MICAL2: variants seen among roughly 807,000 people sequenced by gnomAD.
The protein encoded by MICAL2 is [F-actin]-monooxygenase MICAL2.
Under a neutral mutation model 127.3 loss-of-function variants are expected in MICAL2, and 77 were observed. The observed-to-expected ratio is 0.60, with a 90% confidence interval of 0.50 to 0.73. MICAL2 has a LOEUF of 0.73. MICAL2 is among the 30% of genes least tolerant of loss of function. The pLI is 0.00. For missense variants in MICAL2, 1,351 were observed against 1,434.4 expected, an observed-to-expected ratio of 0.94 and a Z score of 0.94; for synonymous variants, 570 against 551.1, an observed-to-expected ratio of 1.03 and a Z score of -0.48.
chr11:12,194,374 A>G (rs940060118), intron 3 of MICAL2, among the ~76,000 whole-genome samples: 4 of 152,242 alleles, frequency 2.6e-5, no homozygotes, highest in Non-Finnish European at 5.9e-5. Context: ...GGCATGTAGT[A>G]AAGAGTGTTA....
intron 25 of MICAL2, among the ~76,000 whole-genome samples, chr11:12,259,216 G>A (rs1046532046): frequency 6.6e-6 from 1 of 152,218 alleles, no homozygotes; most frequent in Non-Finnish European, 1.5e-5. Flanking sequence ...AACCGCAGTT[G>A]ACATTTTGTA....
intron 1 of MICAL2, among the ~76,000 whole-genome samples, chr11:12,119,832 C>A (rs1359367863): frequency 6.6e-6 from 1 of 152,172 alleles, no homozygotes; most frequent in Non-Finnish European, 1.5e-5. Flanking sequence ...AGTTCTCATC[C>A]TGGCCACCTT....
chr11:12,329,670 A>G (rs1864392247), intron 32 of MICAL2, among the ~76,000 whole-genome samples: 2 of 152,178 alleles, frequency 1.3e-5, no homozygotes, highest in Non-Finnish European at 2.9e-5. Flanking sequence ...TTGATAGGCA[A>G]AGTCTCTACC....
rs60681621 is a variant in MICAL2 at position 12,313,961 on chromosome 11, ATTTTTT to A, written c.5213-5718_5213-5713del. ...TTTCTGGCCTTAATGTCTTGGTCTG[ATTTTTT>A]TTTTTTTTTTTTTTTTGATAGCTAT... On this transcript the variant is annotated intron_variant, in intron 29 of 34. Coordinates refer to the MICAL2 transcript ENST00000646065. Among the ~76,000 whole-genome samples, 140 of 43,784 alleles carry A rather than the reference ATTTTTT, an allele frequency of 3.2e-3. 1 individual carries two copies. Among genetic ancestry groups the A allele is most frequent in the African/African-American group, 0.012 (127 of 10,762 alleles). 28.7% of individuals were successfully genotyped at this position (43,784 alleles called of 152,430 possible).
At chr11:12,171,914 T>G (rs539965456) in intron 3 of MICAL2, among the ~76,000 whole-genome samples, 2 of 152,332 alleles carry the variant, frequency 1.3e-5, no homozygotes, top group African/African-American at 4.8e-5. Flanking sequence ...TATTTCAACA[T>G]GTAGTAAATA....
At chr11:12,342,205 C>T (rs936752709) in intron 32 of MICAL2, among the ~76,000 whole-genome samples, 8 of 152,218 alleles carry the variant, frequency 5.3e-5, no homozygotes, top group African/African-American at 1.9e-4. Flanking sequence ...TTTGGCTGCA[C>T]CATTGCAGCT....
chr11:12,251,488 T>A (rs1861540934), intron 22 of MICAL2, among the ~76,000 whole-genome samples: 2 of 151,150 alleles, frequency 1.3e-5, no homozygotes, highest in Admixed American at 1.3e-4. Context: ...GGTCTACCTC[T>A]TGGTGATTCT....
intron 3 of MICAL2, among the ~76,000 whole-genome samples, chr11:12,181,573 G>A (rs1433830540): frequency 6.6e-6 from 1 of 152,136 alleles, no homozygotes; most frequent in Non-Finnish European, 1.5e-5. Flanking sequence ...ACAATAATCT[G>A]TAAACTTGAA....
intron 8 of MICAL2, among the ~76,000 whole-genome samples, chr11:12,219,547 A>AG (rs1856576346): frequency 6.6e-6 from 1 of 151,482 alleles, no homozygotes; most frequent in Admixed American, 6.6e-5. Flanking sequence ...AAAAAAAAAA[A>AG]AAAAAAAAGC....
At chr11:12,186,800 A>T (rs1042655897) in intron 3 of MICAL2, among the ~76,000 whole-genome samples, 4 of 152,294 alleles carry the variant, frequency 2.6e-5, no homozygotes, top group East Asian at 3.9e-4. Flanking sequence ...GACCCCAGAC[A>T]TCAGCGGCAG....
intron 1 of MICAL2, among the ~76,000 whole-genome samples, chr11:12,278,121 C>T (rs1863739576): frequency 6.6e-6 from 1 of 152,136 alleles, no homozygotes; most frequent in Non-Finnish European, 1.5e-5. Context: ...AGGCCTAGGA[C>T]ATCGCTGTAC....
intron 6 of MICAL2, among the ~76,000 whole-genome samples, chr11:12,212,099 C>T (rs1349728931): frequency 2.6e-5 from 4 of 152,130 alleles, no homozygotes; most frequent in African/African-American, 9.7e-5. Flanking sequence ...CTCCTGGATT[C>T]CCCAGCTCAG....
At chr11:12,272,606 T>C (rs139166992), upstream of MICAL2, among the ~76,000 whole-genome samples, 1 of 152,314 alleles carries the variant, frequency 6.6e-6, no homozygotes, top group Non-Finnish European at 1.5e-5. Flanking sequence ...TCATTCTATG[T>C]AATAAGCCTC....
chr11:12,324,645 G>A (rs1205548480), intron 31 of MICAL2, among the ~76,000 whole-genome samples: 1 of 152,200 alleles, frequency 6.6e-6, no homozygotes, highest in African/African-American at 2.4e-5. Context: ...AGGAACCCAA[G>A]CCTAGTCTTG....
At chr11:12,333,046 A>G (rs1938677972) in intron 32 of MICAL2, among the ~76,000 whole-genome samples, 1 of 152,318 alleles carries the variant, frequency 6.6e-6, no homozygotes, top group South Asian at 2.1e-4. Flanking sequence ...GCCTCATTGC[A>G]AGCCAAATAT....
At chr11:12,282,933 G>A (rs1247391621) in intron 2 of MICAL2, among the ~76,000 whole-genome samples, 1 of 152,240 alleles carries the variant, frequency 6.6e-6, no homozygotes, top group Admixed American at 6.5e-5. Flanking sequence ...GCGGGATGGG[G>A]TTGTGTTGGG....
At chr11:12,240,180 G>A (rs953396023) in intron 17 of MICAL2, among the ~76,000 whole-genome samples, 3 of 152,198 alleles carry the variant, frequency 2.0e-5, no homozygotes, top group Non-Finnish European at 4.4e-5. Context: ...GCCTGGCGGG[G>A]CTGTTTTGTC....
In MICAL2 at chr11:12,358,456, G is replaced by A; in HGVS notation, c.5851G>A (p.Gly1951Ser). 2.5e-6 allele frequency: 4 copies of A among 1,614,168 alleles called. No homozygotes were observed. The South Asian group carries it at 3.3e-5, about 13-fold the overall frequency. The change falls in exon 35 of 35, where the codon GGC (glycine) becomes AGC (serine). Residue 1951 changes from glycine to serine, a missense_variant. By Grantham distance (56) the Gly-to-Ser change is moderately conservative. Transcript: ENST00000646065. ...CTTTGAAAGCTTCGTATTCTCCAGA[G>A]GCTGTCAGCTGAGCAGGACTTGAGG...
chr11:12,318,292 T>C (rs1864253062), intron 29 of MICAL2, among the ~76,000 whole-genome samples: 1 of 152,216 alleles, frequency 6.6e-6, no homozygotes, highest in South Asian at 2.1e-4. Flanking sequence ...ACTGAATTAC[T>C]CAGTGGTCAT....
Sources: gnomAD v4.1 joint callset for allele counts (sites outside exome capture counted in the v4.1 genomes callset) on GRCh38, gnomAD v4.1.1 for gene constraint, MANE v1.5 for transcripts, NCBI Gene and HGNC (gene_info 2026-07-23, HGNC 2026-07-21) for gene names.